The following ATXN3 variants were observed in gnomAD, a reference collection of about 807,000 sequenced individuals.
ATXN3 encodes ataxin-3.
A neutral mutation model predicts 58.2 loss-of-function variants in ATXN3; 28 were observed. The observed-to-expected ratio is 0.48, with a 90% CI of 0.36 to 0.66. The LOEUF is 0.66. Among genes scored for constraint, ATXN3 ranks in the 30% least tolerant of loss-of-function variants. The pLI, the probability that ATXN3 is intolerant of heterozygous loss-of-function variation, is 0.00. For missense variants in ATXN3, 321 were observed against 422.1 expected (o/e 0.76, Z 2.10); for synonymous variants, 113 against 138.5 (o/e 0.82, Z 1.29).
At chr14:92,076,084 T>C (rs949026322) in intron 9 of ATXN3, among the ~76,000 whole-genome samples, 1 of 152,204 alleles carries the variant, frequency 6.6e-6, no homozygotes, top group South Asian at 2.1e-4. Flanking sequence ...GCACTAGTTA[T>C]TGCTGACATT....
rs2057577738 is a variant in ATXN3 at position 92,059,222 on chromosome 14, A to C, written c.*5098T>G. On this transcript the variant is annotated 3_prime_UTR_variant, in exon 11 of 11. Coordinates refer to ENST00000644486, the MANE Select transcript of ATXN3 (RefSeq NM_004993.6). The stretch of plus-strand genomic sequence containing the variant: ...AGCAAAGATTTTCTTCAAATTAAAA[A>C]ACAAAATCAAAATTCTAGAATTTAC... 1 of 152,186 alleles carries C rather than the reference A, an allele frequency of 6.6e-6. No homozygotes were observed. The highest frequency in any genetic ancestry group is 2.1e-4 in the South Asian group (1 of 4,830). 9.4% of individuals were successfully genotyped at this position (152,186 alleles called of 1,614,324 possible).
chr14:92,069,833 C>T (rs2059137247), intron 10 of ATXN3, among the ~76,000 whole-genome samples: 1 of 151,932 alleles, frequency 6.6e-6, no homozygotes, highest in Non-Finnish European at 1.5e-5. Context: ...TTCCCATTAA[C>T]AGTATATGAG....
chr14:92,064,502 A>G (rs1006753656), intron 10 of ATXN3, 88 bp from the exon 11 acceptor site: 1 of 963,008 alleles, frequency 1.0e-6, no homozygotes, highest in Non-Finnish European at 1.6e-6. Flanking sequence ...ATGTATTTCT[A>G]TTTGAGCACG....
chr14:92,104,334 G>A (rs1202308898), intron 1 of ATXN3, among the ~76,000 whole-genome samples: 1 of 152,016 alleles, frequency 6.6e-6, no homozygotes, highest in African/African-American at 2.4e-5. Flanking sequence ...TAGAGACGGG[G>A]TTTCACCATG....
At chr14:92,054,255 G>C (rs1359108267), downstream of ATXN3, among the ~76,000 whole-genome samples, 2 of 152,134 alleles carry the variant, frequency 1.3e-5, no homozygotes, top group African/African-American at 2.4e-5. Flanking sequence ...TTGAATAGGA[G>C]CTGGGTAAAA....
chr14:92,101,942 C>CAAG (rs1188998657), intron 1 of ATXN3, among the ~76,000 whole-genome samples: 6 of 151,998 alleles, frequency 3.9e-5, no homozygotes, highest in Non-Finnish European at 1.5e-5. Flanking sequence ...ATCACGAGGT[C>CAAG]AAGAGATCAA....
chr14:92,086,345 C>T (rs974792374), intron 6 of ATXN3, among the ~76,000 whole-genome samples: 1 of 151,586 alleles, frequency 6.6e-6, no homozygotes, highest in African/African-American at 2.4e-5. Flanking sequence ...GGCGGCTCAC[C>T]TGAGGTCAGG....
At position 92,063,166 on chromosome 14, in the gene ATXN3, G is replaced by GC. The variant is rs1427238616; in HGVS notation, c.*1153dup. On this transcript the variant is annotated 3_prime_UTR_variant, in exon 11 of 11. Transcript: ENST00000644486. ...TGTTCTTAAGCTATCTAAACATGATGCAAGTGTCAAATCACAGTATAAATT... is the reference window on the plus strand; with the variant it reads ...TGTTCTTAAGCTATCTAAACATGATGCCAAGTGTCAAATCACAGTATAAATT... The GC allele has an allele frequency of 6.6e-6, 1 of 152,552 alleles. No individual in the cohort carries two copies. Among genetic ancestry groups the GC allele is most frequent in the East Asian group, 1.9e-4 (1 of 5,196 alleles). 9.4% of individuals were successfully genotyped at this position (152,552 alleles called of 1,614,324 possible).
At position 92,062,885 on chromosome 14, in the gene ATXN3, C is replaced by T. The variant is rs538172199; in HGVS notation, c.*1435G>A. ...GGGCAATATACCATATTATAATTTT[C>T]GAAGTTGTCAGCTGAAATTTCTTGG... On this transcript the variant is annotated 3_prime_UTR_variant, in exon 11 of 11. Coordinates refer to ENST00000644486, the MANE Select transcript of ATXN3 (RefSeq NM_004993.6). 19 of 152,610 alleles carry T rather than the reference C, an allele frequency of 1.2e-4. No homozygotes were observed. The highest frequency in any genetic ancestry group is 4.1e-4 in the African/African-American group (17 of 41,520). The allele number at this position is 152,610 out of a possible 1,614,324, so 9.5% of individuals were successfully genotyped here.
Position 92,086,565 on chromosome 14 carries a change from C to CAA in ATXN3, c.475+2163_475+2164dup, listed in dbSNP as rs138766948. ...GAGCAACAAGAGGGAAACTCCATCT[C>CAA]AAAAAAAAAAAAAAAAAATTAGCCG... On this transcript the variant is annotated intron_variant, in intron 6 of 10. Coordinates refer to ENST00000644486, the MANE Select transcript of ATXN3 (RefSeq NM_004993.6). Among the ~76,000 whole-genome samples the CAA allele has an allele frequency of 8.9e-3, 875 of 98,316 alleles. 14 individuals are homozygous for CAA. Among genetic ancestry groups the CAA allele is most frequent in the South Asian group, 0.039 (111 of 2,856 alleles). 64.5% of individuals were successfully genotyped at this position (98,316 alleles called of 152,430 possible).
At chr14:92,097,151 C>T (rs1432254669) in intron 1 of ATXN3, among the ~76,000 whole-genome samples, 12 of 151,934 alleles carry the variant, frequency 7.9e-5, no homozygotes, top group Admixed American at 2.0e-4. Context: ...CCTCGTGATC[C>T]GCCCGCCTTG....
chr14:92,073,665 CATCTCTATTAAAAATACAAAAAA>C (rs1254181537), intron 9 of ATXN3: 1 of 152,238 alleles, frequency 6.6e-6, no homozygotes, highest in East Asian at 1.9e-4. Flanking sequence ...GGTGAAACCC[CATCTCTATTAAAAATACAAAAAA>C]ATTAGCCAGG....
intron 2 of ATXN3, chr14:92,096,442 G>A: frequency 2.5e-6 from 2 of 798,748 alleles, no homozygotes; most frequent in Admixed American, 2.9e-5. Context: ...GACCAACATG[G>A]TGAAACCCCA....
At chr14:92,076,455 G>GAAAA (rs374353802) in intron 9 of ATXN3, among the ~76,000 whole-genome samples, 1 of 98,542 alleles carries the variant, frequency 1.0e-5, no homozygotes, top group Non-Finnish European at 2.1e-5. Context: ...TCTCAAAAAA[G>GAAAA]AAAAAAAAAA....
chr14:92,078,952 G>A (rs569576033), intron 9 of ATXN3, among the ~76,000 whole-genome samples: 4 of 152,072 alleles, frequency 2.6e-5, no homozygotes, highest in African/African-American at 9.7e-5. Flanking sequence ...CTGGGAGGCC[G>A]AGGCAGGTGG....
intron 1 of ATXN3, among the ~76,000 whole-genome samples, chr14:92,098,457 T>A (rs1228664371): frequency 6.6e-6 from 1 of 152,050 alleles, no homozygotes; most frequent in Non-Finnish European, 1.5e-5. Context: ...CATGGTGGTG[T>A]GTACCTGTAG....
rs939707405 is a variant in ATXN3, at chr14:92,059,093, A to C, written c.*5227T>G. ...TTGTCTATGAATCCACAGGCTTAAA[A>C]TGTTTTTTGATATGCTATTAAACAT... On this transcript the variant is annotated 3_prime_UTR_variant, in exon 11 of 11. Coordinates refer to ENST00000644486, the MANE Select transcript of ATXN3 (RefSeq NM_004993.6). The C allele has an allele frequency of 2.0e-5, 3 of 152,162 alleles. No homozygotes were observed. In the South Asian group the frequency reaches 6.2e-4, roughly 31 times the overall value. 9.4% of individuals were successfully genotyped at this position (152,162 alleles called of 1,614,324 possible). A position where few individuals can be genotyped will look rare whatever the true frequency, so the allele number is the denominator to read the frequency against.
At chr14:92,057,579 C>T (rs1452493109), downstream of ATXN3, among the ~76,000 whole-genome samples, 1 of 152,096 alleles carries the variant, frequency 6.6e-6, no homozygotes, top group African/African-American at 2.4e-5. Context: ...GCACAAGATC[C>T]AAGAACCCTC....
At position 92,081,020 on chromosome 14, in the gene ATXN3, C is replaced by G; in HGVS notation, c.817G>C (p.Gly273Arg). The G allele has an allele frequency of 2.5e-6, 4 of 1,612,720 alleles. No homozygotes were observed. The highest frequency in any genetic ancestry group is 3.4e-6 in the Non-Finnish European group (4 of 1,179,162). The change falls in exon 9 of 11, where the codon GGT becomes CGT. Residue 273 changes from glycine to arginine, a missense_variant. By Grantham distance (125) the Gly-to-Arg change is moderately radical. Around this residue, in one of 2 missense-constraint regions of ATXN3, gnomAD observed 200 missense variants for 223.2 expected, o/e 0.90. Transcript: ENST00000644486. The stretch of plus-strand genomic sequence containing the variant: ...AGCTCTTCTGAAGTAAGATTTGTAC[C>G]TGATGTCTGTGTCATATCTTGAGAT... Reference protein sequence around the residue: ...NISQDMTQTSGTNLTSEELRK... With the variant: ...NISQDMTQTSRTNLTSEELRK...
Sources: gnomAD v4.1 joint callset for allele counts (sites outside exome capture counted in the v4.1 genomes callset) on GRCh38, gnomAD v4.1.1 for gene constraint, gnomAD v4.1.1 regional missense constraint, MANE v1.5 for transcripts, NCBI Gene and HGNC (gene_info 2026-07-23, HGNC 2026-07-21) for gene names.